KIF26B: variants seen among roughly 807,000 people sequenced by gnomAD.
KIF26B encodes the protein kinesin-like protein KIF26B.
In KIF26B, 63 loss-of-function variants were observed where a neutral mutation model predicts 151.2. That is an observed-to-expected ratio of 0.42 (90% confidence interval 0.34 to 0.51). The LOEUF (loss-of-function observed/expected upper bound fraction) is 0.51. Ranked by LOEUF, KIF26B falls within the 20% of genes least tolerant of loss-of-function variation. KIF26B has a pLI of 0.07. For missense variants in KIF26B, 2,813 were observed against 2,913.6 expected (o/e 0.97, Z 0.79); for synonymous variants, 1,357 against 1,262.1 (o/e 1.08, Z -1.59).
chr1:245,582,443 C>T (rs1023937184), intron 5 of KIF26B, among the ~76,000 whole-genome samples: 3 of 151,740 alleles, frequency 2.0e-5, no homozygotes, highest in African/African-American at 4.8e-5. Context: ...TCTTAATATA[C>T]TTAATCATAG....
intron 3 of KIF26B, among the ~76,000 whole-genome samples, chr1:245,376,396 C>T (rs370301834): frequency 1.8e-4 from 28 of 151,900 alleles, no homozygotes; most frequent in African/African-American, 6.8e-4. Context: ...TCAATTTTGG[C>T]TTCACACTAG....
At chr1:245,369,876 T>C (rs1412147836) in intron 3 of KIF26B, among the ~76,000 whole-genome samples, 1 of 152,340 alleles carries the variant, frequency 6.6e-6, no homozygotes, top group East Asian at 1.9e-4. Context: ...GGGATGTGTA[T>C]ATAAATATAA....
intron 10 of KIF26B, among the ~76,000 whole-genome samples, chr1:245,663,278 A>AT (rs58826037): frequency 9.4e-5 from 14 of 149,302 alleles, no homozygotes; most frequent in Admixed American, 4.7e-4. Context: ...TCAGAAACCC[A>AT]TTTTTTTTTT....
chr1:245,549,562 A>G (rs1558210098), intron 5 of KIF26B, among the ~76,000 whole-genome samples: 1 of 152,214 alleles, frequency 6.6e-6, no homozygotes, highest in African/African-American at 2.4e-5. Flanking sequence ...TGTTATAATT[A>G]TCCCATTAAA....
At chr1:245,695,972 C>T (rs543156754) in intron 12 of KIF26B, among the ~76,000 whole-genome samples, 78 of 152,222 alleles carry the variant, frequency 5.1e-4, no homozygotes, top group African/African-American at 1.8e-3. Context: ...CCATCTCACA[C>T]GGTGCCCTGG....
intron 2 of KIF26B, among the ~76,000 whole-genome samples, chr1:245,240,957 G>C (rs1670202535): frequency 6.6e-6 from 1 of 152,196 alleles, no homozygotes; most frequent in African/African-American, 2.4e-5. Flanking sequence ...CTCTGGCCCG[G>C]CCCAAGGTCC....
chr1:245,421,466 C>T (rs1470723451), intron 4 of KIF26B, among the ~76,000 whole-genome samples: 1 of 152,086 alleles, frequency 6.6e-6, no homozygotes, highest in Non-Finnish European at 1.5e-5. Context: ...ACTTGCAATT[C>T]CGATGGCTTC....
chr1:245,696,327 G>A (rs2044692670), intron 12 of KIF26B, among the ~76,000 whole-genome samples: 1 of 152,178 alleles, frequency 6.6e-6, no homozygotes, highest in South Asian at 2.1e-4. Flanking sequence ...ATGAACTAAA[G>A]CCTCCTGCCA....
intron 3 of KIF26B, among the ~76,000 whole-genome samples, chr1:245,388,489 G>A (rs3914103): frequency 0.046 from 7,008 of 152,202 alleles, 545 homozygotes; most frequent in African/African-American, 0.16. Flanking sequence ...TCTTGTGTTA[G>A]CATTTAAAAC....
intron 10 of KIF26B, among the ~76,000 whole-genome samples, chr1:245,649,948 A>C (rs1380857660): frequency 6.6e-6 from 1 of 152,234 alleles, no homozygotes; most frequent in Non-Finnish European, 1.5e-5. Flanking sequence ...CTGACTTTGC[A>C]AATGATATTG....
intron 3 of KIF26B, among the ~76,000 whole-genome samples, chr1:245,397,714 C>T (rs1367761478): frequency 6.6e-6 from 1 of 152,122 alleles, no homozygotes; most frequent in East Asian, 1.9e-4. Flanking sequence ...CTGGATCAGA[C>T]AGAGAAAACA....
intron 2 of KIF26B, among the ~76,000 whole-genome samples, chr1:245,279,524 G>T (rs4658738): frequency 0.39 from 58,836 of 151,678 alleles, 11,801 homozygotes; most frequent in East Asian, 0.57. Context: ...GCCCAAGCTG[G>T]TCTTCAACTC....
At chr1:245,598,654 G>C (rs1264211717) in intron 5 of KIF26B, among the ~76,000 whole-genome samples, 1 of 152,042 alleles carries the variant, frequency 6.6e-6, no homozygotes, top group African/African-American at 2.4e-5. Flanking sequence ...GTTTGGGAGC[G>C]AGGCTCTGCC....
chr1:245,693,325 G>A (rs902508470), intron 12 of KIF26B, among the ~76,000 whole-genome samples: 13 of 152,186 alleles, frequency 8.5e-5, no homozygotes, highest in Admixed American at 2.0e-4. Flanking sequence ...ACCTTGGCCC[G>A]CCTGGACATG....
At chr1:245,246,952 C>T (rs1247505235) in intron 2 of KIF26B, among the ~76,000 whole-genome samples, 1 of 151,282 alleles carries the variant, frequency 6.6e-6, no homozygotes, top group African/African-American at 2.4e-5. Flanking sequence ...TACAGACACA[C>T]ACACACACAC....
intron 9 of KIF26B, among the ~76,000 whole-genome samples, chr1:245,618,560 G>C (rs901213910): frequency 6.6e-6 from 1 of 150,424 alleles, no homozygotes; most frequent in Non-Finnish European, 1.5e-5. Context: ...GGCTGTGTCT[G>C]CTGTGTGCTG....
intron 9 of KIF26B, among the ~76,000 whole-genome samples, chr1:245,621,177 A>G (rs939366): frequency 0.7 from 106,524 of 152,070 alleles, 37,402 homozygotes; most frequent in East Asian, 0.89. Context: ...GGTGATTCCA[A>G]CGGGCAGCAA....
chr1:245,215,774 A>T (rs1311074073), intron 2 of KIF26B, among the ~76,000 whole-genome samples: 1 of 152,100 alleles, frequency 6.6e-6, no homozygotes, highest in East Asian at 1.9e-4. Flanking sequence ...GTTTTTTTAG[A>T]GGCTTCTATG....
Position 245,698,746 on chromosome 1 carries a change from G to T in KIF26B, c.6028-141G>T. 1.0e-6 allele frequency: 1 copy of T among 1,004,318 alleles called. No individual in the cohort carries two copies. Among genetic ancestry groups the T allele is most frequent in the Admixed American group, 2.7e-5 (1 of 37,210 alleles). 62.2% of individuals were successfully genotyped at this position (1,004,318 alleles called of 1,614,324 possible). A position where few individuals can be genotyped will look rare whatever the true frequency, so the allele number is the denominator to read the frequency against. ...GTCTGAATTGAGGTCTGTCAAGGGA[G>T]AATTTGGTGGGGATGACCCATGTCC... On this transcript the variant is annotated intron_variant, in intron 13 of 14. Coordinates refer to ENST00000407071, the MANE Select transcript of KIF26B (RefSeq NM_018012.4). This position sits in a 1 kb window ranked among gnomAD's most constrained non-coding sequence, Gnocchi z 4.0.
Sources: allele counts gnomAD v4.1 joint callset (sites outside exome capture counted in the v4.1 genomes callset), GRCh38; gene constraint gnomAD v4.1.1; non-coding constraint Gnocchi (gnomAD v3.1); transcripts MANE v1.5; gene names NCBI Gene and HGNC (gene_info 2026-07-23, HGNC 2026-07-21).